The following IGF2R variants were observed in gnomAD, a reference collection of about 807,000 sequenced individuals.
The protein encoded by IGF2R is insulin like growth factor 2 receptor, also known as cation-independent mannose-6-phosphate receptor.
In IGF2R, 91 loss-of-function variants were observed where a neutral mutation model predicts 270.6. The observed-to-expected ratio is 0.34, with a 90% confidence interval of 0.28 to 0.40. IGF2R has a LOEUF of 0.40. Ranked by LOEUF, IGF2R falls within the 10% of genes least tolerant of loss-of-function variation. The pLI, the probability that IGF2R is intolerant of heterozygous loss-of-function variation, is 1.00. For missense variants in IGF2R, 2,805 were observed against 3,188.3 expected (o/e 0.88, Z 2.90); for synonymous variants, 1,316 against 1,258.9 (o/e 1.05, Z -0.96).
intron 1 of IGF2R, among the ~76,000 whole-genome samples, chr6:159,986,568 T>C (rs1783891398): frequency 6.6e-6 from 1 of 152,082 alleles, no homozygotes; most frequent in Non-Finnish European, 1.5e-5. Context: ...GCGCATGGCC[T>C]GAAGTTCTTT....
At chr6:159,997,488 C>T (rs1009977257) in intron 2 of IGF2R, among the ~76,000 whole-genome samples, 1 of 152,126 alleles carries the variant, frequency 6.6e-6, no homozygotes, top group Non-Finnish European at 1.5e-5. Context: ...CCCCAAATTG[C>T]TGCCCGCACC....
At chr6:160,025,253 C>G (rs182078531) in intron 5 of IGF2R, among the ~76,000 whole-genome samples, 30 of 152,282 alleles carry the variant, frequency 2.0e-4, no homozygotes, top group African/African-American at 6.7e-4. Flanking sequence ...TTTTACTAAG[C>G]CTTTGACTAG....
At chr6:160,081,098 C>T (rs942660638) in intron 39 of IGF2R, among the ~76,000 whole-genome samples, 2 of 150,924 alleles carry the variant, frequency 1.3e-5, no homozygotes, top group Non-Finnish European at 2.9e-5. Context: ...TTCACTCCAG[C>T]CTGGGTGACA....
At chr6:159,978,888 A>C (rs1211819076) in intron 1 of IGF2R, among the ~76,000 whole-genome samples, 1 of 152,152 alleles carries the variant, frequency 6.6e-6, no homozygotes, top group African/African-American at 2.4e-5. Context: ...ACCATTATTC[A>C]GTACATCTGG....
At chr6:160,058,182 T>G in intron 21 of IGF2R, 58 bp downstream of exon 21, 1 of 1,085,010 alleles carries the variant, frequency 9.2e-7, no homozygotes, top group South Asian at 1.3e-5. Context: ...AGTGCATTAT[T>G]GAAGTCACCT....
chr6:160,048,557 C>T lies in IGF2R; in HGVS notation c.2514+14C>T, dbSNP rs746369920. 3 of 1,611,556 alleles carry T rather than the reference C, an allele frequency of 1.9e-6. No individual in the cohort carries two copies. The highest frequency in any genetic ancestry group is 2.5e-6 in the Non-Finnish European group (3 of 1,178,684). On this transcript the variant is annotated intron_variant, in intron 18 of 47. Transcript: ENST00000356956. Reference sequence around the variant, plus strand: ...GAAAAAGATCAGGTGAATCTGTTTTCACTGCTTGTCTCCTTTGCCCTCCTA... The same window carrying T: ...GAAAAAGATCAGGTGAATCTGTTTTTACTGCTTGTCTCCTTTGCCCTCCTA...
chr6:160,039,304 A>G (rs1034760639), intron 10 of IGF2R, among the ~76,000 whole-genome samples: 2 of 152,196 alleles, frequency 1.3e-5, no homozygotes, highest in Non-Finnish European at 2.9e-5. Flanking sequence ...ATATATCTAA[A>G]CATAGAAAAG....
chr6:160,009,324 T>G (rs923576555), intron 3 of IGF2R, among the ~76,000 whole-genome samples, 190 bp downstream of exon 3: 3 of 152,218 alleles, frequency 2.0e-5, no homozygotes, highest in African/African-American at 7.2e-5. Context: ...GTTACAACTT[T>G]TAAGTAAAAC....
At chr6:160,052,678 A>C (rs1778225185) in intron 19 of IGF2R, among the ~76,000 whole-genome samples, 1 of 152,262 alleles carries the variant, frequency 6.6e-6, no homozygotes, top group Admixed American at 6.5e-5. Context: ...ACCTGACTTC[A>C]AACTATGCTA....
chr6:160,066,144 A>G (rs938373772), intron 29 of IGF2R, among the ~76,000 whole-genome samples: 2 of 151,382 alleles, frequency 1.3e-5, no homozygotes, highest in Non-Finnish European at 2.9e-5. Flanking sequence ...CCTCCCGAGT[A>G]GCTGGGATTA....
chr6:160,098,397 A>G (rs1779411889), intron 45 of IGF2R, among the ~76,000 whole-genome samples: 1 of 152,130 alleles, frequency 6.6e-6, no homozygotes, highest in Non-Finnish European at 1.5e-5. Context: ...AAAGAAACAG[A>G]AGTTGAAACC....
In IGF2R at chr6:160,093,371, C is replaced by G. The variant is rs1256884701; in HGVS notation, c.6656-3068C>G. The G allele has an allele frequency of 1.1e-5, 3 of 274,524 alleles. No individual in the cohort carries two copies. In the East Asian group the frequency reaches 2.5e-4, roughly 23 times the overall value. The allele number at this position is 274,524 out of a possible 1,614,324, so 17.0% of individuals were successfully genotyped here. A position where few individuals can be genotyped will look rare whatever the true frequency, so the allele number is the denominator to read the frequency against. On this transcript the variant is annotated intron_variant, in intron 44 of 47. Coordinates refer to ENST00000356956, the MANE Select transcript of IGF2R (RefSeq NM_000876.4). ...TTGGGCAAGGTTAAATTCTTGCCTTCCCTCTTGTTGCCGTTGCTTCTGTTC... is the reference window on the plus strand; with the variant it reads ...TTGGGCAAGGTTAAATTCTTGCCTTGCCTCTTGTTGCCGTTGCTTCTGTTC...
At position 160,102,083 on chromosome 6, in the gene IGF2R, GTC is replaced by G. The variant is rs1457497569; in HGVS notation, c.6843-433_6843-432del. ...TGGGCCCCTTTCGTGTGGAGATGGTGTCTCATGGTGGGCTGCGCTCACTGCTT... is the reference window on the plus strand; with the variant it reads ...TGGGCCCCTTTCGTGTGGAGATGGTGTCATGGTGGGCTGCGCTCACTGCTT... On this transcript the variant is annotated intron_variant, in intron 45 of 47. Coordinates refer to ENST00000356956, the MANE Select transcript of IGF2R (RefSeq NM_000876.4). This position sits in a 1 kb window ranked among gnomAD's most constrained non-coding sequence, Gnocchi z 4.5. Among the ~76,000 whole-genome samples the G allele has an allele frequency of 6.6e-6, 1 of 152,224 alleles. No homozygotes were observed. The highest frequency in any genetic ancestry group is 1.5e-5 in the Non-Finnish European group (1 of 68,034).
In IGF2R at chr6:160,105,126, C is replaced by T. The variant is rs1416881951; in HGVS notation, c.*42C>T. ...GGGGAGCACGGAGCCGCGGGACAGC[C>T]AAGCACCTCCAACCAAATAAGACTT... On this transcript the variant is annotated 3_prime_UTR_variant, in exon 48 of 48. Coordinates refer to ENST00000356956, the MANE Select transcript of IGF2R (RefSeq NM_000876.4). The T allele has an allele frequency of 2.8e-6, 4 of 1,440,020 alleles. No homozygotes were observed. In the South Asian group the frequency reaches 4.3e-5, roughly 16 times the overall value. 89.2% of individuals were successfully genotyped at this position (1,440,020 alleles called of 1,614,324 possible).
intron 45 of IGF2R, among the ~76,000 whole-genome samples, chr6:160,100,629 C>T (rs1779461750): frequency 6.6e-6 from 1 of 151,848 alleles, no homozygotes; most frequent in East Asian, 1.9e-4. Context: ...ACACTGTTCC[C>T]TGCGTTGGGA....
At chr6:160,058,165 GGGGGA>G (rs759630793) in intron 21 of IGF2R, 41 bp downstream of exon 21, 1 of 1,324,052 alleles carries the variant, frequency 7.6e-7, no homozygotes, top group Non-Finnish European at 1.1e-6. Flanking sequence ...CTTTGAAACA[GGGGGA>G]GAGTGCATTA....
chr6:160,055,248 C>T (rs1778287108), intron 19 of IGF2R, among the ~76,000 whole-genome samples: 1 of 152,216 alleles, frequency 6.6e-6, no homozygotes, highest in Non-Finnish European at 1.5e-5. Context: ...TGTGCATTCC[C>T]TGCCTGTGGA....
At chr6:160,092,718 G>C (rs895423445) in intron 44 of IGF2R, among the ~76,000 whole-genome samples, 11 of 152,234 alleles carry the variant, frequency 7.2e-5, no homozygotes, top group African/African-American at 2.6e-4. Flanking sequence ...CCCTGCTTCA[G>C]CTACTCCCAA....
intron 36 of IGF2R, among the ~76,000 whole-genome samples, chr6:160,076,210 G>A (rs188945603): frequency 3.9e-5 from 6 of 152,370 alleles, no homozygotes; most frequent in Admixed American, 3.3e-4. Flanking sequence ...GAAACTTGCT[G>A]TAATTTAAAA....
Sources: gnomAD v4.1 joint callset for allele counts (sites outside exome capture counted in the v4.1 genomes callset) on GRCh38, gnomAD v4.1.1 for gene constraint, Gnocchi (gnomAD v3.1) non-coding constraint, MANE v1.5 for transcripts, NCBI Gene and HGNC (gene_info 2026-07-23, HGNC 2026-07-21) for gene names.